Variants in CUL2 observed in about 807,000 individuals in gnomAD.
The protein encoded by CUL2 is cullin 2, also known as cullin-2.
A neutral mutation model predicts 110.2 loss-of-function variants in CUL2; 22 were observed. The ratio of observed to expected loss-of-function variants is 0.20; its 90% CI spans 0.14 to 0.28. CUL2 has a LOEUF of 0.28. CUL2 is among the 10% of genes least tolerant of loss of function. The pLI, the probability that CUL2 is intolerant of heterozygous loss-of-function variation, is 1.00. For synonymous variants in CUL2, 279 were observed against 293.2 expected (o/e 0.95, Z 0.49); for missense variants, 631 against 905.5 (o/e 0.70, Z 3.89).
intron 9 of CUL2, among the ~76,000 whole-genome samples, chr10:35,036,054 C>A (rs1223161076): frequency 6.6e-6 from 1 of 152,212 alleles, no homozygotes; most frequent in Non-Finnish European, 1.5e-5. Flanking sequence ...CATGTAATCA[C>A]ACGCAGGATA....
At chr10:35,033,819 C>T (rs1231298012) in intron 10 of CUL2, among the ~76,000 whole-genome samples, 2 of 151,316 alleles carry the variant, frequency 1.3e-5, no homozygotes, top group Non-Finnish European at 2.9e-5. Flanking sequence ...CTGTCATAGA[C>T]TGTCTAGTAC....
intron 18 of CUL2, among the ~76,000 whole-genome samples, chr10:35,014,786 T>C (rs1172028741): frequency 6.6e-6 from 1 of 152,114 alleles, no homozygotes; most frequent in Non-Finnish European, 1.5e-5. Context: ...TGAGCTGAGA[T>C]GGCACCACTG....
intron 8 of CUL2, among the ~76,000 whole-genome samples, chr10:35,039,314 A>C (rs992266509): frequency 6.6e-6 from 1 of 152,228 alleles, no homozygotes. Context: ...CTAAAGTTAA[A>C]TAGTCTGCAT....
intron 9 of CUL2, 135 bp downstream of exon 9, chr10:35,038,785 T>C (rs2085700127): frequency 5.6e-6 from 3 of 531,064 alleles, no homozygotes; most frequent in Non-Finnish European, 9.4e-6. Context: ...AAATAAAGTA[T>C]TAATAATCTG....
intron 1 of CUL2, among the ~76,000 whole-genome samples, chr10:35,111,591 C>T (rs1447659483): frequency 6.6e-6 from 1 of 152,142 alleles, no homozygotes; most frequent in Non-Finnish European, 1.5e-5. Context: ...ATGTCTAAAA[C>T]ATATTAGACA....
chr10:35,028,486 G>T (rs1331971166), intron 16 of CUL2, among the ~76,000 whole-genome samples: 2 of 152,158 alleles, frequency 1.3e-5, no homozygotes, highest in Admixed American at 6.5e-5. Flanking sequence ...ACTGGTAAGT[G>T]ATATTTTAGG....
chr10:35,015,659 A>G (rs1245584305), intron 18 of CUL2, among the ~76,000 whole-genome samples: 1 of 152,220 alleles, frequency 6.6e-6, no homozygotes, highest in Non-Finnish European at 1.5e-5. Flanking sequence ...AAAGTTACAG[A>G]GAAAAAAAGT....
chr10:35,107,879 C>T, intron 1 of CUL2, among the ~76,000 whole-genome samples: 1 of 46,018 alleles, frequency 2.2e-5, no homozygotes, highest in Non-Finnish European at 3.6e-5. Context: ...GAGACTCCAT[C>T]TCAAAAAAAA....
intron 3 of CUL2, among the ~76,000 whole-genome samples, chr10:35,061,630 C>T (rs916476945): frequency 1.3e-5 from 2 of 152,138 alleles, no homozygotes; most frequent in African/African-American, 2.4e-5. Flanking sequence ...AACACACTTG[C>T]TATCAAAAGC....
chr10:35,012,766 C>T (rs2084936894), intron 19 of CUL2, among the ~76,000 whole-genome samples: 1 of 152,156 alleles, frequency 6.6e-6, no homozygotes, highest in African/African-American at 2.4e-5. Context: ...TGGAGAGGGT[C>T]TAACATCTTA....
At chr10:35,076,983 C>A (rs192288893) in intron 1 of CUL2, among the ~76,000 whole-genome samples, 16 of 151,912 alleles carry the variant, frequency 1.1e-4, no homozygotes, top group East Asian at 1.9e-4. Flanking sequence ...ACCCAGGAGG[C>A]GGAGCTTGCA....
At chr10:35,124,533 T>C (rs1216329694) in intron 1 of CUL2, among the ~76,000 whole-genome samples, 2 of 152,156 alleles carry the variant, frequency 1.3e-5, no homozygotes, top group African/African-American at 4.8e-5. Flanking sequence ...CCTTCTTCTC[T>C]TGAGAAATCT....
At chr10:35,073,012 G>A (rs1488945643) in intron 1 of CUL2, among the ~76,000 whole-genome samples, 2 of 152,140 alleles carry the variant, frequency 1.3e-5, no homozygotes, top group African/African-American at 2.4e-5. Context: ...GATGGCGGCC[G>A]CACCACCAGC....
At chr10:35,095,414 A>G (rs547682707), upstream of CUL2, among the ~76,000 whole-genome samples, 4 of 152,282 alleles carry the variant, frequency 2.6e-5, no homozygotes, top group East Asian at 7.7e-4. Flanking sequence ...GTTGATGTAC[A>G]TAACTCACAA....
intron 17 of CUL2, among the ~76,000 whole-genome samples, chr10:35,023,672 A>C (rs888217940): frequency 3.9e-5 from 6 of 152,156 alleles, no homozygotes; most frequent in African/African-American, 1.4e-4. Context: ...AATAACCAAG[A>C]ATGTTTAAAC....
At chr10:35,079,346 T>C (rs1482649172) in intron 1 of CUL2, among the ~76,000 whole-genome samples, 3 of 152,202 alleles carry the variant, frequency 2.0e-5, no homozygotes, top group African/African-American at 4.8e-5. Context: ...TTGGGCTACT[T>C]ACTACTGACC....
chr10:35,054,335 G>C (rs2086191309), intron 5 of CUL2, 99 bp downstream of exon 5: 1 of 667,790 alleles, frequency 1.5e-6, no homozygotes, highest in African/African-American at 1.9e-5. Context: ...ACCATTTTAA[G>C]CTAGCCAAAT....
At chr10:35,110,056 T>A (rs936462910) in intron 1 of CUL2, among the ~76,000 whole-genome samples, 4 of 152,040 alleles carry the variant, frequency 2.6e-5, no homozygotes, top group African/African-American at 9.7e-5. Flanking sequence ...ACACCTGTGG[T>A]CTCAGCTACT....
intron 17 of CUL2, among the ~76,000 whole-genome samples, chr10:35,024,638 T>C (rs1264200268): frequency 1.3e-5 from 2 of 152,308 alleles, no homozygotes; most frequent in Admixed American, 6.5e-5. Flanking sequence ...CAAAGGAAAT[T>C]AGATTGTGAT....
Sources: allele counts gnomAD v4.1 joint callset (sites outside exome capture counted in the v4.1 genomes callset), GRCh38; gene constraint gnomAD v4.1.1; transcripts MANE v1.5; gene names NCBI Gene and HGNC (gene_info 2026-07-23, HGNC 2026-07-21).